The following LRFN2 variants were observed in gnomAD, a reference collection of about 807,000 sequenced individuals.
LRFN2 encodes the protein leucine-rich repeat and fibronectin type-III domain-containing protein 2.
A neutral mutation model predicts 37.3 loss-of-function variants in LRFN2; 18 were observed. That is an observed-to-expected ratio of 0.48 (90% CI 0.33 to 0.72). The LOEUF is 0.72. Among genes scored for constraint, LRFN2 ranks in the 30% least tolerant of loss-of-function variants. The pLI is 0.02. For missense variants in LRFN2, 1,006 were observed against 1,060.7 expected, an observed-to-expected ratio of 0.95 and a Z score of 0.72; for synonymous variants, 556 against 466.6, an observed-to-expected ratio of 1.19 and a Z score of -2.47.
chr6:40,516,130 C>T (rs1160609124), intron 1 of LRFN2, among the ~76,000 whole-genome samples: 1 of 152,006 alleles, frequency 6.6e-6, no homozygotes, highest in East Asian at 1.9e-4. Flanking sequence ...AAATAAATTA[C>T]TTAGACTCAA....
chr6:40,530,491 G>T (rs897986155), intron 1 of LRFN2, among the ~76,000 whole-genome samples: 3 of 152,096 alleles, frequency 2.0e-5, no homozygotes, highest in Non-Finnish European at 4.4e-5. Context: ...ACCATGCTTG[G>T]CCTCTCTGCA....
At chr6:40,468,817 C>T (rs1764529358) in intron 1 of LRFN2, among the ~76,000 whole-genome samples, 1 of 152,086 alleles carries the variant, frequency 6.6e-6, no homozygotes, top group Non-Finnish European at 1.5e-5. Flanking sequence ...TCCTTTCTGG[C>T]TTCATTTGTA....
At chr6:40,399,718 G>A (rs1295616534) in intron 2 of LRFN2, among the ~76,000 whole-genome samples, 1 of 151,790 alleles carries the variant, frequency 6.6e-6, no homozygotes, top group Non-Finnish European at 1.5e-5. Context: ...GATTACAGGC[G>A]TGAGCCACGG....
At chr6:40,504,102 T>A (rs965146317) in intron 1 of LRFN2, among the ~76,000 whole-genome samples, 7 of 152,114 alleles carry the variant, frequency 4.6e-5, no homozygotes, top group Non-Finnish European at 1.0e-4. Context: ...AGGGCCTCCC[T>A]CAGAAAGACC....
intron 1 of LRFN2, among the ~76,000 whole-genome samples, chr6:40,571,868 G>A (rs1018867907): frequency 3.9e-5 from 6 of 152,206 alleles, no homozygotes; most frequent in Admixed American, 1.3e-4. Context: ...GCCTGGTGCT[G>A]TCTCCATGGC....
At chr6:40,541,402 C>T (rs56171724) in intron 1 of LRFN2, among the ~76,000 whole-genome samples, 2,611 of 152,320 alleles carry the variant, frequency 0.017, 51 homozygotes, top group South Asian at 0.1. Context: ...CACAGCTGAG[C>T]CAGGTGGAAT....
At position 40,391,912 on chromosome 6, in the gene LRFN2, C is replaced by T. The variant is rs1267259358; in HGVS notation, c.*31G>A. 8.0e-6 allele frequency: 12 copies of T among 1,498,328 alleles called. No individual in the cohort carries two copies. The highest frequency in any genetic ancestry group is 2.8e-5 in the African/African-American group (2 of 70,278). The allele number at this position is 1,498,328 out of a possible 1,614,324, so 92.8% of individuals were successfully genotyped here. ...GATTCTTTCCCCTTCTCCCACCCTGCGCACAGGAAAGGGAGCATGCCCACC... is the reference window on the plus strand; with the variant it reads ...GATTCTTTCCCCTTCTCCCACCCTGTGCACAGGAAAGGGAGCATGCCCACC... On this transcript the variant is annotated 3_prime_UTR_variant, in exon 3 of 3. Transcript: ENST00000338305.
chr6:40,399,681 G>T (rs1480291324), intron 2 of LRFN2, among the ~76,000 whole-genome samples: 1 of 151,496 alleles, frequency 6.6e-6, no homozygotes, highest in Non-Finnish European at 1.5e-5. Flanking sequence ...CAGACCATCC[G>T]CCCGCCTTGG....
intron 1 of LRFN2, among the ~76,000 whole-genome samples, chr6:40,551,460 A>G (rs1301446960): frequency 3.3e-5 from 5 of 152,196 alleles, no homozygotes; most frequent in Non-Finnish European, 7.3e-5. Flanking sequence ...TCACCACTGG[A>G]CTTTTCAAAT....
intron 1 of LRFN2, among the ~76,000 whole-genome samples, chr6:40,503,855 A>T (rs1158325341): frequency 6.6e-6 from 1 of 151,992 alleles, no homozygotes; most frequent in East Asian, 1.9e-4. Context: ...TGCTCGTTGG[A>T]TGTAAAGACA....
chr6:40,409,647 C>T (rs766263248), intron 2 of LRFN2, among the ~76,000 whole-genome samples: 1 of 152,212 alleles, frequency 6.6e-6, no homozygotes, highest in African/African-American at 2.4e-5. Context: ...CCACCTCCCC[C>T]AAAGGACCGT....
chr6:40,573,845 A>G (rs1767229798), intron 1 of LRFN2, among the ~76,000 whole-genome samples: 1 of 152,078 alleles, frequency 6.6e-6, no homozygotes, highest in South Asian at 2.1e-4. Context: ...AGGCATGGTG[A>G]TGCTACTCGG....
chr6:40,555,276 G>A (rs1265067910), intron 1 of LRFN2, among the ~76,000 whole-genome samples: 1 of 152,230 alleles, frequency 6.6e-6, no homozygotes, highest in Non-Finnish European at 1.5e-5. Context: ...GGTGAGAGGT[G>A]AAGGCTGGGC....
At chr6:40,472,341 C>T (rs148036486) in intron 1 of LRFN2, among the ~76,000 whole-genome samples, 70 of 152,324 alleles carry the variant, frequency 4.6e-4, no homozygotes, top group African/African-American at 1.6e-3. Context: ...GATTTATTCT[C>T]GCAACACTTT....
At chr6:40,417,729 G>A (rs902925191) in intron 2 of LRFN2, among the ~76,000 whole-genome samples, 1 of 152,108 alleles carries the variant, frequency 6.6e-6, no homozygotes, top group East Asian at 1.9e-4. Context: ...GATTCTGCCA[G>A]AAAAATCATG....
intron 1 of LRFN2, among the ~76,000 whole-genome samples, chr6:40,584,049 T>C (rs1004398552): frequency 3.3e-5 from 5 of 152,172 alleles, no homozygotes; most frequent in African/African-American, 1.2e-4. Flanking sequence ...AGGTGAAATT[T>C]GCTCCTCAAC....
chr6:40,525,329 C>T (rs538792777), intron 1 of LRFN2, among the ~76,000 whole-genome samples: 4 of 152,328 alleles, frequency 2.6e-5, no homozygotes, highest in African/African-American at 9.6e-5. Context: ...CTCAAGGGTG[C>T]ATATGACAAA....
chr6:40,412,349 T>C (rs1441530473), intron 2 of LRFN2, among the ~76,000 whole-genome samples: 2 of 152,156 alleles, frequency 1.3e-5, no homozygotes, highest in African/African-American at 4.8e-5. Context: ...TATCAGGAAA[T>C]TTATAAGATT....
intron 1 of LRFN2, among the ~76,000 whole-genome samples, chr6:40,566,443 A>G (rs939525927): frequency 1.3e-5 from 2 of 152,228 alleles, no homozygotes; most frequent in African/African-American, 4.8e-5. Flanking sequence ...ACGTATGTTT[A>G]TTGCCGCGCT....
Sources: gnomAD v4.1 joint callset for allele counts (sites outside exome capture counted in the v4.1 genomes callset) on GRCh38, gnomAD v4.1.1 for gene constraint, MANE v1.5 for transcripts, NCBI Gene and HGNC (gene_info 2026-07-23, HGNC 2026-07-21) for gene names.